The following RAD23A variants were observed in gnomAD, a reference collection of about 807,000 sequenced individuals.
The protein encoded by RAD23A is RAD23 nucleotide excision repair protein A.
In RAD23A, 16 loss-of-function variants were observed where a neutral mutation model predicts 44.8. The ratio of observed to expected loss-of-function variants is 0.36; its 90% confidence interval spans 0.24 to 0.54. The LOEUF (loss-of-function observed/expected upper bound fraction) is 0.54. RAD23A is among the 20% of genes least tolerant of loss of function. RAD23A has a pLI of 0.89. For synonymous variants in RAD23A, 217 were observed against 202.9 expected (o/e 1.07, Z -0.59); for missense variants, 380 against 483.3 (o/e 0.79, Z 2.00).
rs1568453335 is a variant in RAD23A at position 12,948,705 on chromosome 19, G to A, written c.492G>A (p.Glu164=). The A allele has an allele frequency of 1.2e-6, 2 of 1,613,214 alleles. No homozygotes were observed. The highest frequency in any genetic ancestry group is 1.7e-6 in the Non-Finnish European group (2 of 1,179,856). ...CCACAGTGACGGGCTCTGAGTATGA[G>A]ACGATGCTGACGGAGATCATGTCCA... ...ASTLVTGSEY[E]TMLTEIMSMG... Residue 164 remains glutamate, a synonymous_variant, in exon 5 of 9, where the codon GAG becomes GAA. Coordinates refer to ENST00000586534, the MANE Select transcript of RAD23A (RefSeq NM_005053.4). This position sits in a 1 kb window ranked among gnomAD's most constrained non-coding sequence, Gnocchi z 5.5.
In RAD23A at chr19:12,948,386, G is replaced by T; in HGVS notation, c.416+28G>T. 1 of 1,557,880 alleles carries T rather than the reference G, an allele frequency of 6.4e-7. No homozygotes were observed. The highest frequency in any genetic ancestry group is 8.7e-7 in the Non-Finnish European group (1 of 1,150,484). ...AAGGCGGGGGCAGCAGTCCCAGCTTGGGCCCTGTCCTCCTAGCACATTCCA... is the reference window on the plus strand; with the variant it reads ...AAGGCGGGGGCAGCAGTCCCAGCTTTGGCCCTGTCCTCCTAGCACATTCCA... On this transcript the variant is annotated intron_variant, in intron 3 of 8. Coordinates refer to ENST00000586534, the MANE Select transcript of RAD23A (RefSeq NM_005053.4). The surrounding 1 kb of genome is among the most constrained non-coding windows in gnomAD (Gnocchi z 5.5).
rs935004424 is a variant in RAD23A, at chr19:12,949,932, C to T, written c.813+524C>T. On this transcript the variant is annotated intron_variant, in intron 7 of 8. Transcript: ENST00000586534. Reference sequence around the variant, plus strand: ...CTCTGGGTTCTCGGTGAAGTGCCTACCGGTCTTGGCTCAGGACCCTGCTGT... The same window carrying T: ...CTCTGGGTTCTCGGTGAAGTGCCTATCGGTCTTGGCTCAGGACCCTGCTGT... Among the ~76,000 whole-genome samples the T allele has an allele frequency of 2.0e-5, 3 of 152,004 alleles. No individual in the cohort carries two copies. In the East Asian group the frequency reaches 5.8e-4, roughly 29 times the overall value.
At chr19:12,949,553 A>C in intron 7 of RAD23A, 145 bp downstream of exon 7, 1 of 1,129,414 alleles carries the variant, frequency 8.9e-7, no homozygotes, top group Non-Finnish European at 1.3e-6. Flanking sequence ...GCTTCCTGTG[A>C]CCTGGTGACC....
In RAD23A at chr19:12,953,079, A is replaced by G. The variant is rs1249408542; in HGVS notation, c.*30A>G. 11 of 1,500,226 alleles carry G rather than the reference A, an allele frequency of 7.3e-6. No homozygotes were observed. Among genetic ancestry groups the G allele is most frequent in the Admixed American group, 1.7e-5 (1 of 57,952 alleles). The allele number at this position is 1,500,226 out of a possible 1,614,324, so 92.9% of individuals were successfully genotyped here. On this transcript the variant is annotated 3_prime_UTR_variant, in exon 9 of 9. Transcript: ENST00000586534. ...AGGAAGCCAGGCCACCGAAGCCCCC[A>G]CCCTACCCTTATTCCATGAAAGTTT...
intron 7 of RAD23A, among the ~76,000 whole-genome samples, chr19:12,951,422 G>A (rs1197617190): frequency 1.3e-5 from 2 of 151,798 alleles, no homozygotes; most frequent in Non-Finnish European, 2.9e-5. Context: ...TCCCTTGTTC[G>A]CTGTTTTTTG....
At chr19:12,947,691 A>G (rs949795964) in intron 1 of RAD23A, among the ~76,000 whole-genome samples, 157 bp from the exon 2 acceptor site, 7 of 152,218 alleles carry the variant, frequency 4.6e-5, no homozygotes, top group African/African-American at 1.4e-4. Context: ...TGATGATTGA[A>G]TGAATTCAAA....
intron 7 of RAD23A, among the ~76,000 whole-genome samples, chr19:12,951,757 G>T (rs940195103): frequency 1.3e-5 from 2 of 152,088 alleles, no homozygotes; most frequent in African/African-American, 4.8e-5. Context: ...CATTCACTCT[G>T]TTCCTGCTTC....
chr19:12,946,999 C>G (rs992329616), intron 1 of RAD23A, among the ~76,000 whole-genome samples: 2 of 151,946 alleles, frequency 1.3e-5, no homozygotes, highest in African/African-American at 4.8e-5. Flanking sequence ...CCTAGGAATT[C>G]GAGATCATCC....
rs763716808 is a variant in RAD23A at position 12,948,837 on chromosome 19, G to T, written c.600+24G>T. 13 of 1,581,454 alleles carry T rather than the reference G, an allele frequency of 8.2e-6. No individual in the cohort carries two copies. The highest frequency in any genetic ancestry group is 1.0e-5 in the Non-Finnish European group (12 of 1,167,948). The stretch of plus-strand genomic sequence containing the variant: ...CGGTGAGGTGGGGCTTCCGCCTCCC[G>T]GGGAGGCCTTGAGGGAGTACCCGGG... On this transcript the variant is annotated intron_variant, in intron 5 of 8. Transcript: ENST00000586534. The surrounding 1 kb of genome is among the most constrained non-coding windows in gnomAD (Gnocchi z 5.5).
At chr19:12,949,671 G>T (rs1438663183) in intron 7 of RAD23A, 1 of 530,784 alleles carries the variant, frequency 1.9e-6, no homozygotes, top group African/African-American at 1.9e-5. Flanking sequence ...TCATTCCCAG[G>T]GTCACGCAGC....
At chr19:12,951,815 C>G (rs1971820237) in intron 7 of RAD23A, among the ~76,000 whole-genome samples, 1 of 152,232 alleles carries the variant, frequency 6.6e-6, no homozygotes, top group Non-Finnish European at 1.5e-5. Context: ...TTTGCACTTG[C>G]TGTTTGCTTT....
At chr19:12,950,636 A>G (rs2974753) in intron 7 of RAD23A, among the ~76,000 whole-genome samples, 53,232 of 151,896 alleles carry the variant, frequency 0.35, 10,692 homozygotes, top group Middle Eastern at 0.48. Context: ...CTCCTGACCT[A>G]ATGATCTGCC....
Position 12,948,645 on chromosome 19 carries a change from TCCTCTTC to T in RAD23A, c.473-39_473-33del. The T allele has an allele frequency of 6.3e-7, 1 of 1,596,852 alleles. No individual in the cohort carries two copies. Among genetic ancestry groups the T allele is most frequent in the Non-Finnish European group, 8.5e-7 (1 of 1,172,372 alleles). The stretch of plus-strand genomic sequence containing the variant: ...GCGGGAGGGCCTGGGAGCTGCCCTT[TCCTCTTC>T]CTGGTGACCTAGGCTTTGCTGCTTC... On this transcript the variant is annotated intron_variant, in intron 4 of 8. Coordinates refer to ENST00000586534, the MANE Select transcript of RAD23A (RefSeq NM_005053.4). The surrounding 1 kb of genome is among the most constrained non-coding windows in gnomAD (Gnocchi z 5.5).
In RAD23A at chr19:12,948,950, A is replaced by G; in HGVS notation, c.601-131A>G. ...ATTCTAGCCACTAAAGGCTTCCCAC[A>G]GGAGGCTGGATGTGAGTGATGGGTG... On this transcript the variant is annotated intron_variant, in intron 5 of 8. Coordinates refer to ENST00000586534, the MANE Select transcript of RAD23A (RefSeq NM_005053.4). The surrounding 1 kb of genome is among the most constrained non-coding windows in gnomAD (Gnocchi z 5.5). 1 of 1,528,078 alleles carries G rather than the reference A, an allele frequency of 6.5e-7. No individual in the cohort carries two copies. The highest frequency in any genetic ancestry group is 8.9e-7 in the Non-Finnish European group (1 of 1,120,068). The allele number at this position is 1,528,078 out of a possible 1,614,324, so 94.7% of individuals were successfully genotyped here. A position where few individuals can be genotyped will look rare whatever the true frequency, so the allele number is the denominator to read the frequency against.
At chr19:12,951,036 C>T (rs1971797854) in intron 7 of RAD23A, among the ~76,000 whole-genome samples, 1 of 152,214 alleles carries the variant, frequency 6.6e-6, no homozygotes, top group African/African-American at 2.4e-5. Flanking sequence ...TGCACTCCAG[C>T]CTGGGTGACA....
chr19:12,948,226 C>A lies in RAD23A; in HGVS notation c.284C>A (p.Ala95Asp). The A allele has an allele frequency of 6.2e-7, 1 of 1,614,130 alleles. No individual in the cohort carries two copies. Among genetic ancestry groups the A allele is most frequent in the Non-Finnish European group, 8.5e-7 (1 of 1,180,012 alleles). ...TSAPPEASPT[A>D]APESSTSFPP... ...GCACCCCCAGAGGCCTCACCCACAG[C>A]TGCCCCAGAGTCCTCTACATCCTTC... Residue 95 changes from alanine (A) to aspartate (D), a missense_variant, in exon 3 of 9, where the codon GCT (alanine) becomes GAT (aspartate). Coordinates refer to ENST00000586534, the MANE Select transcript of RAD23A (RefSeq NM_005053.4). This position sits in a 1 kb window ranked among gnomAD's most constrained non-coding sequence, Gnocchi z 5.5.
intron 1 of RAD23A, among the ~76,000 whole-genome samples, chr19:12,946,752 C>T (rs1971684487): frequency 1.3e-5 from 2 of 152,204 alleles, no homozygotes; most frequent in African/African-American, 4.8e-5. Context: ...TTCAAACATA[C>T]TGAATGTCTA....
rs1372869284 is a variant in RAD23A at position 12,948,794 on chromosome 19, C to G, written c.581C>G (p.Ala194Gly). ...GCCAGCTACAACAACCCCCACCGAG[C>G]CGTGGAGTATCTGCTCACGGTGAGG... Reference protein sequence around the residue: ...LRASYNNPHRAVEYLLTGIPG... With the variant: ...LRASYNNPHRGVEYLLTGIPG... Residue 194 changes from alanine to glycine, a missense_variant, in exon 5 of 9, where the codon GCC becomes GGC. Transcript: ENST00000586534. The surrounding 1 kb of genome is among the most constrained non-coding windows in gnomAD (Gnocchi z 5.5). The G allele has an allele frequency of 6.2e-7, 1 of 1,610,610 alleles. No individual in the cohort carries two copies. Among genetic ancestry groups the G allele is most frequent in the Non-Finnish European group, 8.5e-7 (1 of 1,178,930 alleles).
chr19:12,951,447 G>GT (rs1971809166), intron 7 of RAD23A, among the ~76,000 whole-genome samples: 1 of 151,526 alleles, frequency 6.6e-6, no homozygotes, highest in South Asian at 2.1e-4. Flanking sequence ...TTTTGTTGTT[G>GT]TTGTTTGTTT....
Sources: allele counts gnomAD v4.1 joint callset (sites outside exome capture counted in the v4.1 genomes callset), GRCh38; gene constraint gnomAD v4.1.1; non-coding constraint Gnocchi (gnomAD v3.1); transcripts MANE v1.5; gene names NCBI Gene and HGNC (gene_info 2026-07-23, HGNC 2026-07-21).